Variants in DCP1A observed in about 807,000 individuals in gnomAD.
DCP1A encodes mRNA-decapping enzyme 1A.
DCP1A carries 20 observed loss-of-function variants against 58.0 expected under a neutral mutation model. The observed-to-expected ratio is 0.34, with a 90% CI of 0.24 to 0.50. DCP1A has a LOEUF of 0.50. Ranked by LOEUF, DCP1A falls within the 20% of genes least tolerant of loss-of-function variation. The probability of loss-of-function intolerance (pLI) is 0.98; values close to 1 mark genes in which losing one functional copy is unlikely to be tolerated. For missense variants in DCP1A, 613 were observed against 712.2 expected (o/e 0.86, Z 1.59); for synonymous variants, 285 against 275.1 (o/e 1.04, Z -0.36).
intron 6 of DCP1A, among the ~76,000 whole-genome samples, chr3:53,293,155 G>A (rs1460070652): frequency 6.6e-6 from 1 of 152,140 alleles, no homozygotes; most frequent in Non-Finnish European, 1.5e-5. Flanking sequence ...TGACACTAGA[G>A]GAGACACAGG....
At chr3:53,329,436 C>T (rs1238806442) in intron 3 of DCP1A, 1 of 398,306 alleles carries the variant, frequency 2.5e-6, no homozygotes, top group Non-Finnish European at 4.4e-6. Flanking sequence ...TTCTCTCTGG[C>T]TTTTGGAGGT....
chr3:53,288,088 C>T lies in DCP1A; in HGVS notation c.1645G>A (p.Asp549Asn). The change falls in exon 9 of 10, where the codon GAT (aspartate) becomes AAT (asparagine). Residue 549 changes from aspartate to asparagine, a missense_variant. Transcript: ENST00000610213. ...SIILSKSQLQDTLIHLIKNDS... is the reference protein window; with the variant it reads ...SIILSKSQLQNTLIHLIKNDS... The stretch of plus-strand genomic sequence containing the variant: ...ACCTTTATTAGATGTATTAATGTAT[C>T]CTGGAGCTGAGACTTGCTGAGAATA... 1 of 1,613,872 alleles carries T rather than the reference C, an allele frequency of 6.2e-7. No individual in the cohort carries two copies. The highest frequency in any genetic ancestry group is 8.5e-7 in the Non-Finnish European group (1 of 1,179,808).
chr3:53,331,413 T>C (rs964530770), intron 3 of DCP1A, among the ~76,000 whole-genome samples: 3 of 152,182 alleles, frequency 2.0e-5, no homozygotes, highest in African/African-American at 4.8e-5. Context: ...TACCACATTT[T>C]CACTGTACGT....
At chr3:53,313,772 C>T (rs1166392629) in intron 4 of DCP1A, among the ~76,000 whole-genome samples, 1 of 151,284 alleles carries the variant, frequency 6.6e-6, no homozygotes, top group Admixed American at 6.6e-5. Flanking sequence ...AACAAAAAAC[C>T]CAGCCTGCAC....
chr3:53,330,549 C>T (rs2088972211), intron 3 of DCP1A, among the ~76,000 whole-genome samples: 1 of 151,718 alleles, frequency 6.6e-6, no homozygotes, highest in Non-Finnish European at 1.5e-5. Flanking sequence ...AATCTTCACC[C>T]TTACCAAGAA....
intron 3 of DCP1A, chr3:53,333,143 G>GTTT (rs1166670582): frequency 1.5e-5 from 2 of 135,286 alleles, no homozygotes; most frequent in African/African-American, 2.7e-5. Flanking sequence ...CAGGGTTTTG[G>GTTT]TTTTTTTTTT....
intron 3 of DCP1A, chr3:53,337,965 T>G (rs1366834185): frequency 4.5e-6 from 1 of 222,022 alleles, no homozygotes. Context: ...TGCAAAGTTT[T>G]AGTGGATAGC....
intron 4 of DCP1A, among the ~76,000 whole-genome samples, chr3:53,314,338 TTTTTCTATCTAGA>T (rs1323165612): frequency 6.6e-6 from 1 of 152,232 alleles, no homozygotes; most frequent in Non-Finnish European, 1.5e-5. Flanking sequence ...TAACATGTAG[TTTTTCTATCTAGA>T]TTCATAATTA....
At chr3:53,304,349 T>C (rs1707404194) in intron 5 of DCP1A, 59 bp from the exon 6 acceptor site, 1 of 1,219,352 alleles carries the variant, frequency 8.2e-7, no homozygotes, top group Non-Finnish European at 1.2e-6. Context: ...ATTATTTGGC[T>C]CACAAAACAG....
At chr3:53,303,051 G>C (rs983674699) in intron 6 of DCP1A, among the ~76,000 whole-genome samples, 1 of 151,900 alleles carries the variant, frequency 6.6e-6, no homozygotes, top group Non-Finnish European at 1.5e-5. Flanking sequence ...CTGAGCTCAA[G>C]CGAGGCTCCT....
intron 6 of DCP1A, among the ~76,000 whole-genome samples, chr3:53,294,975 C>G (rs1342561349): frequency 6.6e-6 from 1 of 152,194 alleles, no homozygotes; most frequent in Non-Finnish European, 1.5e-5. Flanking sequence ...CAGTACATGG[C>G]AGACACTCAA....
chr3:53,292,916 G>GA, intron 6 of DCP1A, 89 bp from the exon 7 acceptor site: 1 of 1,349,740 alleles, frequency 7.4e-7, no homozygotes, highest in Non-Finnish European at 1.0e-6. Context: ...AGATTTTGCA[G>GA]AATCAAGGAT....
intron 3 of DCP1A, among the ~76,000 whole-genome samples, chr3:53,341,808 G>C (rs1365701159): frequency 3.3e-5 from 5 of 152,116 alleles, no homozygotes; most frequent in African/African-American, 4.8e-5. Flanking sequence ...AGGTTCAAGT[G>C]ATTACAGGCG....
intron 3 of DCP1A, chr3:53,332,962 G>A (rs1251605602): frequency 4.0e-5 from 6 of 151,650 alleles, no homozygotes; most frequent in East Asian, 1.9e-4. Context: ...TTCTTTGGCT[G>A]AATGGCCTAT....
At chr3:53,315,744 G>GT (rs797040721) in intron 4 of DCP1A, among the ~76,000 whole-genome samples, 39,143 of 92,618 alleles carry the variant, frequency 0.42, 11,146 homozygotes, top group Non-Finnish European at 0.52. Context: ...TCAGTTTGTT[G>GT]TTTTTTTTTT....
rs1333797113 is a variant in DCP1A, at chr3:53,319,623, C to T, written c.305-150G>A. On this transcript the variant is annotated intron_variant, in intron 3 of 9. Transcript: ENST00000610213. ...TCTATCTAAAGAAAACAAGTATCTCCTCCCCAAATTCTGTTTAATAAAATC... is the reference window on the plus strand; with the variant it reads ...TCTATCTAAAGAAAACAAGTATCTCTTCCCCAAATTCTGTTTAATAAAATC... The T allele has an allele frequency of 7.4e-6, 4 of 538,742 alleles. No homozygotes were observed. The Admixed American group carries it at 1.3e-4, about 18-fold the overall frequency. 33.4% of individuals were successfully genotyped at this position (538,742 alleles called of 1,614,324 possible).
intron 5 of DCP1A, 72 bp downstream of exon 5, chr3:53,312,169 T>TA (rs1305526346): frequency 1.1e-4 from 157 of 1,468,318 alleles, no homozygotes; most frequent in Non-Finnish European, 1.4e-4. Flanking sequence ...CCTAGTAAAA[T>TA]AGTCTCCTGC....
intron 3 of DCP1A, among the ~76,000 whole-genome samples, chr3:53,331,073 G>C (rs1426787814): frequency 1.3e-5 from 2 of 151,996 alleles, no homozygotes; most frequent in East Asian, 3.8e-4. Context: ...TGGTCAGGCT[G>C]GTCTCAAACT....
chr3:53,306,106 T>C (rs918588341), intron 5 of DCP1A, among the ~76,000 whole-genome samples: 7 of 152,218 alleles, frequency 4.6e-5, no homozygotes, highest in Non-Finnish European at 8.8e-5. Context: ...CTTGATACCA[T>C]GCTACAGACA....
Sources: gnomAD v4.1 joint callset for allele counts (sites outside exome capture counted in the v4.1 genomes callset) on GRCh38, gnomAD v4.1.1 for gene constraint, MANE v1.5 for transcripts, NCBI Gene and HGNC (gene_info 2026-07-23, HGNC 2026-07-21) for gene names.